The following B4GALT6 variants were observed in gnomAD, a reference collection of about 807,000 sequenced individuals.
The protein encoded by B4GALT6 is beta-1,4-galactosyltransferase 6.
A neutral mutation model predicts 46.3 loss-of-function variants in B4GALT6; 14 were observed. The ratio of observed to expected loss-of-function variants is 0.30; its 90% CI spans 0.20 to 0.47. The LOEUF (loss-of-function observed/expected upper bound fraction) is 0.47, where lower values mean the gene tolerates loss of function less well. Among genes scored for constraint, B4GALT6 ranks in the 20% least tolerant of loss-of-function variants. B4GALT6 has a pLI of 0.99. For missense variants in B4GALT6, 386 were observed against 480.1 expected, an observed-to-expected ratio of 0.80 and a Z score of 1.83; for synonymous variants, 168 against 162.0, an observed-to-expected ratio of 1.04 and a Z score of -0.28.
Position 31,653,430 on chromosome 18 carries a change from T to A in B4GALT6, c.346+4546A>T, listed in dbSNP as rs537041659. ...CTCCCTTTTGTCACATTCATAACCT[T>A]TTTTCTTTTTTTTTTTTTTTTTTTT... is the stretch of plus-strand genomic sequence containing the variant. On this transcript the variant is annotated intron_variant, in intron 3 of 8. Transcript: ENST00000306851. 2.1e-5 allele frequency among the ~76,000 whole-genome samples: 3 copies of A among 143,274 alleles called. No individual in the cohort carries two copies. The Admixed American group carries it at 2.3e-4, about 11-fold the overall frequency. 94.0% of individuals were successfully genotyped at this position (143,274 alleles called of 152,430 possible). A position where few individuals can be genotyped will look rare whatever the true frequency, so the allele number is the denominator to read the frequency against.
Position 31,642,640 on chromosome 18 carries a change from G to A in B4GALT6, c.471+2715C>T, listed in dbSNP as rs547469982. 5.3e-5 allele frequency among the ~76,000 whole-genome samples: 8 copies of A among 152,278 alleles called. No homozygotes were observed. The South Asian group carries it at 6.2e-4, about 12-fold the overall frequency. ...TTGCCCCAGAAGGTGTCCAACCTGC[G>A]CAGATCTTCTACTTAAACCTGCAGC... is the stretch of plus-strand genomic sequence containing the variant. On this transcript the variant is annotated intron_variant, in intron 4 of 8. Transcript: ENST00000306851.
chr18:31,688,260 C>CATATATATATATATATATACACAT (rs549734087), upstream of B4GALT6, among the ~76,000 whole-genome samples: 1 of 140,786 alleles, frequency 7.1e-6, no homozygotes, highest in African/African-American at 3.0e-5. Context: ...TATATATATA[C>CATATATATATATATATATACACAT]ATATATATAT....
chr18:31,647,460 G>T (rs984023878), intron 3 of B4GALT6, among the ~76,000 whole-genome samples: 1 of 152,018 alleles, frequency 6.6e-6, no homozygotes, highest in African/African-American at 2.4e-5. Context: ...CACTCCTCGG[G>T]GTTGTGCACC....
chr18:31,720,426 G>T, the B4GALT6 span, among the ~76,000 whole-genome samples: 1 of 152,300 alleles, frequency 6.6e-6, no homozygotes, highest in East Asian at 1.9e-4. Context: ...GCAAAATTGT[G>T]GGCAAATGGC....
chr18:31,656,640 G>A (rs2144641312), intron 3 of B4GALT6, among the ~76,000 whole-genome samples: 1 of 151,906 alleles, frequency 6.6e-6, no homozygotes, highest in South Asian at 2.1e-4. Context: ...ATGGCCTCTG[G>A]GTAAGAAAAG....
In B4GALT6 at chr18:31,625,569, TA is replaced by T. The variant is rs2073681509; in HGVS notation, c.*44del. 6.2e-7 allele frequency: 1 copy of T among 1,606,558 alleles called. No homozygotes were observed. Among genetic ancestry groups the T allele is most frequent in the African/African-American group, 1.3e-5 (1 of 74,290 alleles). On this transcript the variant is annotated 3_prime_UTR_variant, in exon 9 of 9. Transcript: ENST00000306851. ...CTCCACTAAGAGCGCGCTCCAAGTT[TA>T]TGATCCAGCATTGTGGTCTACCTTG...
intron 2 of B4GALT6, among the ~76,000 whole-genome samples, chr18:31,665,935 C>G (rs1249863004): frequency 6.6e-6 from 1 of 152,186 alleles, no homozygotes; most frequent in Non-Finnish European, 1.5e-5. Flanking sequence ...GTATGGCTTA[C>G]TAAGATGAAT....
At chr18:31,699,570 G>A in the B4GALT6 span, among the ~76,000 whole-genome samples, 11 of 149,726 alleles carry the variant, frequency 7.3e-5, no homozygotes, top group East Asian at 4.0e-4. Context: ...CACCACGCCC[G>A]GCCTAGACAG....
upstream of B4GALT6, chr18:31,684,661 G>C (rs1324892566): frequency 4.5e-5 from 53 of 1,188,436 alleles, no homozygotes; most frequent in Non-Finnish European, 5.5e-5. Flanking sequence ...GGGACAAGAG[G>C]TGGAGGGGGG....
At chr18:31,684,861 C>G (rs2074527190), upstream of B4GALT6, 2 of 793,224 alleles carry the variant, frequency 2.5e-6, no homozygotes, top group Non-Finnish European at 3.1e-6. Context: ...CTCCGCTGCC[C>G]GCGCCCGGCG....
intron 5 of B4GALT6, among the ~76,000 whole-genome samples, chr18:31,635,354 A>G (rs2073845229): frequency 6.6e-6 from 1 of 152,220 alleles, no homozygotes; most frequent in Non-Finnish European, 1.5e-5. Context: ...AAACTGATCT[A>G]GAAATCTACA....
chr18:31,642,118 A>G (rs1487504416), intron 4 of B4GALT6, among the ~76,000 whole-genome samples: 2 of 152,200 alleles, frequency 1.3e-5, no homozygotes, highest in Non-Finnish European at 2.9e-5. Flanking sequence ...TTAAAAATGC[A>G]AGTTCTTGTT....
At chr18:31,645,601 G>GTT (rs771159523) in intron 3 of B4GALT6, 122 bp from the exon 4 acceptor site, 4 of 888,358 alleles carry the variant, frequency 4.5e-6, no homozygotes, top group Non-Finnish European at 3.3e-6. Flanking sequence ...GTTTACTCCT[G>GTT]TTACCACCAC....
chr18:31,687,553 A>G (rs769213938), upstream of B4GALT6, among the ~76,000 whole-genome samples: 6 of 152,230 alleles, frequency 3.9e-5, no homozygotes, highest in Non-Finnish European at 7.3e-5. Context: ...AGTAAGCCCC[A>G]TAACAGAGGA....
At chr18:31,675,187 T>G (rs2074402068) in intron 1 of B4GALT6, among the ~76,000 whole-genome samples, 1 of 152,240 alleles carries the variant, frequency 6.6e-6, no homozygotes, top group African/African-American at 2.4e-5. Context: ...TTTAACAATT[T>G]TAAGTTATTT....
At chr18:31,634,513 G>C (rs1010080586) in intron 5 of B4GALT6, among the ~76,000 whole-genome samples, 14 of 152,190 alleles carry the variant, frequency 9.2e-5, no homozygotes, top group South Asian at 2.1e-4. Context: ...TGTTCTGCTA[G>C]GCATCAGCAC....
At position 31,625,779 on chromosome 18, in the gene B4GALT6, A is replaced by G. The variant is rs1375173383; in HGVS notation, c.1002-18T>C. 3.8e-6 allele frequency: 6 copies of G among 1,559,016 alleles called. No homozygotes were observed. Among genetic ancestry groups the G allele is most frequent in the Non-Finnish European group, 3.4e-6 (4 of 1,160,966 alleles). On this transcript the variant is annotated intron_variant, in intron 8 of 8. Coordinates refer to ENST00000306851, the MANE Select transcript of B4GALT6 (RefSeq NM_004775.5). The stretch of plus-strand genomic sequence containing the variant: ...ATTTATACCTATAGTTTTAGAGGAA[A>G]AAACAAAAAAGCAACAAAACATGTT...
chr18:31,632,691 A>C (rs755578917), intron 5 of B4GALT6, among the ~76,000 whole-genome samples: 2 of 152,240 alleles, frequency 1.3e-5, no homozygotes, highest in South Asian at 4.1e-4. Flanking sequence ...TCAAGACTTT[A>C]CATTATTAGG....
the B4GALT6 span, among the ~76,000 whole-genome samples, chr18:31,691,301 A>C: frequency 1.1e-3 from 7 of 6,578 alleles, no homozygotes; most frequent in African/African-American, 1.8e-3. Flanking sequence ...ACATATATAT[A>C]TATATATATA....
Sources: allele counts gnomAD v4.1 joint callset (sites outside exome capture counted in the v4.1 genomes callset), GRCh38; gene constraint gnomAD v4.1.1; transcripts MANE v1.5; gene names NCBI Gene and HGNC (gene_info 2026-07-23, HGNC 2026-07-21).